ERCC6L2: variants seen among roughly 807,000 people sequenced by gnomAD.
ERCC6L2 encodes ERCC excision repair 6 like 2.
ERCC6L2 carries 77 observed loss-of-function variants against 132.0 expected under a neutral mutation model. The ratio of observed to expected loss-of-function variants is 0.58; its 90% CI spans 0.49 to 0.71. The LOEUF (loss-of-function observed/expected upper bound fraction) is 0.71, where lower values mean the gene tolerates loss of function less well. Ranked by LOEUF, ERCC6L2 falls within the 30% of genes least tolerant of loss-of-function variation. ERCC6L2 has a pLI of 0.00. For missense variants in ERCC6L2, 1,542 were observed against 1,837.6 expected (o/e 0.84, Z 2.94); for synonymous variants, 583 against 632.4 (o/e 0.92, Z 1.17).
At chr9:95,883,393 T>C (rs1256533345) in intron 2 of ERCC6L2, among the ~76,000 whole-genome samples, 1 of 152,168 alleles carries the variant, frequency 6.6e-6, no homozygotes, top group East Asian at 1.9e-4. Context: ...ACCGAACCCG[T>C]GGTGTTTCAG....
intron 2 of ERCC6L2, 105 bp downstream of exon 2, chr9:95,881,398 T>C (rs1729297336): frequency 2.3e-6 from 2 of 861,488 alleles, no homozygotes; most frequent in Middle Eastern, 2.7e-4. Flanking sequence ...ATTTTGTGTG[T>C]TCCTGTGTAT....
At chr9:95,997,604 T>G (rs2133179022) in intron 17 of ERCC6L2, among the ~76,000 whole-genome samples, 1 of 152,396 alleles carries the variant, frequency 6.6e-6, no homozygotes, top group South Asian at 2.1e-4. Context: ...ATAACTTTTA[T>G]ATGTACTGAC....
At chr9:95,987,549 G>A (rs1318754989) in intron 17 of ERCC6L2, among the ~76,000 whole-genome samples, 1 of 152,202 alleles carries the variant, frequency 6.6e-6, no homozygotes, top group African/African-American at 2.4e-5. Context: ...AGGTCAAACT[G>A]ATACAAGAGG....
intron 18 of ERCC6L2, among the ~76,000 whole-genome samples, chr9:96,006,210 G>A (rs1398929631): frequency 6.6e-6 from 1 of 152,240 alleles, no homozygotes; most frequent in Non-Finnish European, 1.5e-5. Flanking sequence ...AGAGCACAGA[G>A]AGGAGGAAAG....
chr9:95,972,880 C>T lies in ERCC6L2; in HGVS notation c.3129C>T (p.Ser1043=), dbSNP rs1175517171. Residue 1043 remains serine (S), a synonymous_variant, in exon 16 of 19, where the codon TCC becomes TCT. Transcript: ENST00000653738. ...CTCAGTTTATTGATGATTATTCATC[C>T]TCAGATGAGAGTTTATCCGTCAGCC... The part of the protein sequence containing the change: ...HNSQFIDDYS[S]SDESLSVSHF... 1.5e-6 allele frequency: 2 copies of T among 1,305,116 alleles called. No individual in the cohort carries two copies. The highest frequency in any genetic ancestry group is 4.6e-5 in the Admixed American group (2 of 43,562). The allele number at this position is 1,305,116 out of a possible 1,614,324, so 80.8% of individuals were successfully genotyped here.
At chr9:95,980,743 G>A (rs900827859) in intron 17 of ERCC6L2, among the ~76,000 whole-genome samples, 1 of 152,096 alleles carries the variant, frequency 6.6e-6, no homozygotes, top group Admixed American at 6.6e-5. Context: ...AAATTAAAAA[G>A]TTACGAGAAG....
At chr9:95,892,441 T>G (rs1313994971) in intron 2 of ERCC6L2, among the ~76,000 whole-genome samples, 3 of 151,410 alleles carry the variant, frequency 2.0e-5, no homozygotes, top group African/African-American at 7.3e-5. Context: ...TTTTTTTTTT[T>G]TTGAGGCAAG....
chr9:95,906,981 T>A, intron 3 of ERCC6L2, 97 bp from the exon 4 acceptor site: 1 of 790,266 alleles, frequency 1.3e-6, no homozygotes, highest in Non-Finnish European at 2.1e-6. Context: ...ATGTCAAAAT[T>A]AAGGAAGAGG....
intron 2 of ERCC6L2, among the ~76,000 whole-genome samples, chr9:95,895,606 C>G (rs1041430096): frequency 6.6e-6 from 1 of 152,060 alleles, no homozygotes; most frequent in African/African-American, 2.4e-5. Flanking sequence ...ACAACAGATA[C>G]CATTGATTTA....
chr9:96,010,395 C>T (rs1833988558), intron 18 of ERCC6L2, among the ~76,000 whole-genome samples: 1 of 152,176 alleles, frequency 6.6e-6, no homozygotes, highest in Admixed American at 6.5e-5. Context: ...AGAAAAGTGG[C>T]ATTGAAGCTC....
chr9:95,900,597 A>C (rs936768728), intron 3 of ERCC6L2, among the ~76,000 whole-genome samples: 30 of 152,108 alleles, frequency 2.0e-4, no homozygotes, highest in African/African-American at 5.1e-4. Context: ...CCTTTTTGAC[A>C]ATTCTAGTTT....
chr9:95,880,939 A>T lies in ERCC6L2; in HGVS notation c.117A>T (p.Ile39=). 1.9e-6 allele frequency: 3 copies of T among 1,613,976 alleles called. No homozygotes were observed. The highest frequency in any genetic ancestry group is 2.5e-6 in the Non-Finnish European group (3 of 1,179,934). ...ATGGAAAACTTTGTGAAGCAAGCAT[A>T]AAATCTATCACAGTGGATGAAAATG... ...PDNGKLCEAS[I]KSITVDENGK... The change falls in exon 2 of 19, where the codon ATA becomes ATT. Residue 39 remains isoleucine (I), a synonymous_variant. Coordinates refer to ENST00000653738, the MANE Select transcript of ERCC6L2 (RefSeq NM_020207.7).
At chr9:95,907,857 C>CACCCACCCACA in intron 4 of ERCC6L2, among the ~76,000 whole-genome samples, 3 of 133,740 alleles carry the variant, frequency 2.2e-5, no homozygotes, top group African/African-American at 8.4e-5. Context: ...ACACACACAC[C>CACCCACCCACA]CCCACACCCA....
intron 17 of ERCC6L2, among the ~76,000 whole-genome samples, chr9:95,997,386 CT>C (rs1281060869): frequency 1.9e-4 from 29 of 152,156 alleles, no homozygotes; most frequent in African/African-American, 6.8e-4. Context: ...GACTGAACTG[CT>C]GCAATCTCAT....
intron 17 of ERCC6L2, among the ~76,000 whole-genome samples, chr9:95,979,959 A>G (rs978682534): frequency 6.6e-6 from 1 of 152,208 alleles, no homozygotes; most frequent in Non-Finnish European, 1.5e-5. Flanking sequence ...GTGAAAGGTC[A>G]GATAATTTGG....
chr9:96,023,618 A>G (rs1001408335), intron 19 of ERCC6L2, among the ~76,000 whole-genome samples: 7 of 152,216 alleles, frequency 4.6e-5, no homozygotes, highest in African/African-American at 7.2e-5. Context: ...GCTATTTCCG[A>G]ATGGAGCCCG....
chr9:96,014,089 G>T lies in ERCC6L2; in HGVS notation c.*886G>T, dbSNP rs1337601151. Reference sequence around the variant, plus strand: ...CCTTTACTCAGCCCCTGTGTTCTGTGCTAGGAGCTTGAGCTCTACAGGTAA... The same window carrying T: ...CCTTTACTCAGCCCCTGTGTTCTGTTCTAGGAGCTTGAGCTCTACAGGTAA... On this transcript the variant is annotated 3_prime_UTR_variant, in exon 19 of 19. Transcript: ENST00000653738. 6.6e-6 allele frequency: 1 copy of T among 152,224 alleles called. No homozygotes were observed. The highest frequency in any genetic ancestry group is 1.5e-5 in the Non-Finnish European group (1 of 68,042). 9.4% of individuals were successfully genotyped at this position (152,224 alleles called of 1,614,324 possible). A position where few individuals can be genotyped will look rare whatever the true frequency, so the allele number is the denominator to read the frequency against.
At position 95,972,971 on chromosome 9, in the gene ERCC6L2, A is replaced by G. The variant is rs774961798; in HGVS notation, c.3220A>G (p.Lys1074Glu). ...TIRDRTSFSS[K>E]LPSHNKKNST... Reference sequence around the variant, plus strand: ...AAGAGACAGAACTAGTTTTTCTTCAAAATTGCCTAGCCATAATAAGAAAAA... The same window carrying G: ...AAGAGACAGAACTAGTTTTTCTTCAGAATTGCCTAGCCATAATAAGAAAAA... The change falls in exon 16 of 19, where the codon AAA becomes GAA. Residue 1074 changes from lysine to glutamate, a missense_variant. Lys to Glu is a moderately conservative substitution (Grantham distance 56, BLOSUM62 1). Coordinates refer to ENST00000653738, the MANE Select transcript of ERCC6L2 (RefSeq NM_020207.7). 1.5e-6 allele frequency: 2 copies of G among 1,332,940 alleles called. No homozygotes were observed. The highest frequency in any genetic ancestry group is 4.8e-5 in the East Asian group (1 of 20,746). The allele number at this position is 1,332,940 out of a possible 1,614,324, so 82.6% of individuals were successfully genotyped here. A position where few individuals can be genotyped will look rare whatever the true frequency, so the allele number is the denominator to read the frequency against.
chr9:96,025,521 A>C (rs1360966015), intron 19 of ERCC6L2, among the ~76,000 whole-genome samples: 1 of 152,144 alleles, frequency 6.6e-6, no homozygotes, highest in Non-Finnish European at 1.5e-5. Flanking sequence ...GAGTTTCTGG[A>C]GATGACTAGG....
Sources: allele counts gnomAD v4.1 joint callset (sites outside exome capture counted in the v4.1 genomes callset), GRCh38; gene constraint gnomAD v4.1.1; transcripts MANE v1.5; gene names NCBI Gene and HGNC (gene_info 2026-07-23, HGNC 2026-07-21).